Variants in NRP1 observed in about 807,000 individuals in gnomAD.
The protein encoded by NRP1 is neuropilin-1.
In NRP1, 35 loss-of-function variants were observed where a neutral mutation model predicts 106.7. The ratio of observed to expected loss-of-function variants is 0.33; its 90% CI spans 0.25 to 0.43. The LOEUF is 0.43. Ranked by LOEUF, NRP1 falls within the 20% of genes least tolerant of loss-of-function variation. The probability of loss-of-function intolerance (pLI) is 1.00; values close to 1 mark genes in which losing one functional copy is unlikely to be tolerated. For synonymous variants in NRP1, 437 were observed against 417.9 expected (o/e 1.05, Z -0.56); for missense variants, 1,024 against 1,170.4 (o/e 0.87, Z 1.83).
chr10:33,258,808 C>A (rs1272192492), intron 4 of NRP1, among the ~76,000 whole-genome samples: 1 of 151,984 alleles, frequency 6.6e-6, no homozygotes, highest in East Asian at 1.9e-4. Context: ...CATGAAAATA[C>A]CTTGCTAGAA....
At chr10:33,198,416 A>G (rs545715023) in intron 11 of NRP1, among the ~76,000 whole-genome samples, 1 of 152,226 alleles carries the variant, frequency 6.6e-6, no homozygotes, top group East Asian at 1.9e-4. Context: ...TGCTAGGATT[A>G]CAGGTATGAG....
At chr10:33,287,732 T>A (rs1229763986) in intron 2 of NRP1, among the ~76,000 whole-genome samples, 1 of 152,192 alleles carries the variant, frequency 6.6e-6, no homozygotes, top group Admixed American at 6.5e-5. Context: ...TAGAGGTGTC[T>A]GGAGTGGAAG....
At position 33,227,061 on chromosome 10, in the gene NRP1, A is replaced by G. The variant is rs1443454934; in HGVS notation, c.982-772T>C. 3.9e-5 allele frequency among the ~76,000 whole-genome samples: 6 copies of G among 152,244 alleles called. 1 individual carries two copies. The highest frequency in any genetic ancestry group is 3.9e-4 in the Admixed American group (6 of 15,276). The stretch of plus-strand genomic sequence containing the variant: ...GAGTTTGACTCTTTTTGTCCACAAA[A>G]GACAGCATGGCCCTAAGTTGGTTCC... On this transcript the variant is annotated intron_variant, in intron 6 of 16. Transcript: ENST00000374867.
At chr10:33,182,571 G>A in intron 16 of NRP1, 127 bp downstream of exon 16, 1 of 669,246 alleles carries the variant, frequency 1.5e-6, no homozygotes, top group Non-Finnish European at 2.6e-6. Context: ...CCAGGGCCAT[G>A]GGCATAGATG....
At chr10:33,312,173 T>A (rs956964532) in intron 2 of NRP1, among the ~76,000 whole-genome samples, 63 of 152,244 alleles carry the variant, frequency 4.1e-4, no homozygotes, top group African/African-American at 1.4e-3. Flanking sequence ...AATTATTTTT[T>A]AAATCAAGTT....
At chr10:33,311,794 T>C (rs1846624034) in intron 2 of NRP1, among the ~76,000 whole-genome samples, 3 of 152,212 alleles carry the variant, frequency 2.0e-5, no homozygotes, top group Non-Finnish European at 4.4e-5. Flanking sequence ...CATGACCTCA[T>C]GTTCAACATC....
At chr10:33,280,586 T>C (rs562955549) in intron 2 of NRP1, among the ~76,000 whole-genome samples, 105 of 152,318 alleles carry the variant, frequency 6.9e-4, no homozygotes, top group African/African-American at 2.4e-3. Flanking sequence ...ATATAGCAAG[T>C]CCAGCCATCA....
At chr10:33,302,733 A>T (rs1419343149) in intron 2 of NRP1, among the ~76,000 whole-genome samples, 1 of 152,196 alleles carries the variant, frequency 6.6e-6, no homozygotes, top group African/African-American at 2.4e-5. Flanking sequence ...CGAAGCAAAC[A>T]TCAGTTCAGA....
chr10:33,215,941 G>A (rs10763917), intron 8 of NRP1, among the ~76,000 whole-genome samples: 42,631 of 151,954 alleles, frequency 0.28, 6,425 homozygotes, highest in East Asian at 0.62. Flanking sequence ...TGGGAGTTTG[G>A]GAGCTTTCTT....
At chr10:33,225,034 A>C (rs996384432) in intron 7 of NRP1, among the ~76,000 whole-genome samples, 1 of 152,178 alleles carries the variant, frequency 6.6e-6, no homozygotes, top group South Asian at 2.1e-4. Flanking sequence ...TACTCACTTC[A>C]TCTCCATGAG....
chr10:33,226,118 T>C lies in NRP1; in HGVS notation c.1137+16A>G. 1 of 1,613,120 alleles carries C rather than the reference T, an allele frequency of 6.2e-7. No homozygotes were observed. Among genetic ancestry groups the C allele is most frequent in the Non-Finnish European group, 8.5e-7 (1 of 1,179,262 alleles). ...TAAAAGACCAAATTGGTTGCCACGG[T>C]GGCAGCCTAACTTACAACAGGTTTG... On this transcript the variant is annotated intron_variant, in intron 7 of 16. Transcript: ENST00000374867.
intron 2 of NRP1, among the ~76,000 whole-genome samples, chr10:33,308,649 G>A (rs1846344812): frequency 6.6e-6 from 1 of 151,868 alleles, no homozygotes; most frequent in African/African-American, 2.4e-5. Flanking sequence ...ACTATGTCCA[G>A]CTAATTTTTT....
At chr10:33,267,391 G>A (rs1842995071) in intron 3 of NRP1, among the ~76,000 whole-genome samples, 1 of 152,152 alleles carries the variant, frequency 6.6e-6, no homozygotes, top group Admixed American at 6.5e-5. Context: ...GTGAACATGA[G>A]CTCTCCTCTT....
At chr10:33,266,452 T>C (rs556954705) in intron 3 of NRP1, among the ~76,000 whole-genome samples, 1 of 152,264 alleles carries the variant, frequency 6.6e-6, no homozygotes, top group East Asian at 1.9e-4. Context: ...ACTTTAGAAT[T>C]TGAAAACTAA....
chr10:33,277,134 A>G (rs1019305840), intron 2 of NRP1, among the ~76,000 whole-genome samples: 2 of 151,992 alleles, frequency 1.3e-5, no homozygotes, highest in Non-Finnish European at 2.9e-5. Flanking sequence ...AAGAAAAAAA[A>G]TTGCTCAATA....
At chr10:33,192,516 G>A (rs528071203) in intron 12 of NRP1, 98 bp from the exon 13 acceptor site, 28 of 1,255,326 alleles carry the variant, frequency 2.2e-5, no homozygotes, top group Non-Finnish European at 2.6e-5. Flanking sequence ...TGGAAAGCAC[G>A]ATTTATACAA....
At chr10:33,313,273 G>A (rs1846741437) in intron 2 of NRP1, among the ~76,000 whole-genome samples, 1 of 152,190 alleles carries the variant, frequency 6.6e-6, no homozygotes, top group Non-Finnish European at 1.5e-5. Flanking sequence ...AGGAAGAGAA[G>A]GCTGTGTTGC....
chr10:33,227,850 G>C (rs1468584331), intron 6 of NRP1, among the ~76,000 whole-genome samples: 1 of 152,034 alleles, frequency 6.6e-6, no homozygotes, highest in Non-Finnish European at 1.5e-5. Flanking sequence ...TAGGCTTCTG[G>C]GCCCTCATTT....
At chr10:33,250,028 T>C (rs1841734706) in intron 6 of NRP1, among the ~76,000 whole-genome samples, 1 of 152,256 alleles carries the variant, frequency 6.6e-6, no homozygotes, top group Admixed American at 6.5e-5. Context: ...ATTTGTGTAC[T>C]TGTTGTTGCT....
Sources: gnomAD v4.1 joint callset for allele counts (sites outside exome capture counted in the v4.1 genomes callset) on GRCh38, gnomAD v4.1.1 for gene constraint, MANE v1.5 for transcripts, NCBI Gene and HGNC (gene_info 2026-07-23, HGNC 2026-07-21) for gene names.